The following EXT1 variants were observed in gnomAD, a reference collection of about 807,000 sequenced individuals.
EXT1 encodes the protein exostosin glycosyltransferase 1.
In EXT1, 20 loss-of-function variants were observed where a neutral mutation model predicts 82.5. The ratio of observed to expected loss-of-function variants is 0.24; its 90% CI spans 0.17 to 0.35. EXT1 has a LOEUF of 0.35. EXT1 is among the 10% of genes least tolerant of loss of function. The pLI is 1.00. For synonymous variants in EXT1, 348 were observed against 350.8 expected (o/e 0.99, Z 0.09); for missense variants, 757 against 936.5 (o/e 0.81, Z 2.50).
intron 1 of EXT1, among the ~76,000 whole-genome samples, chr8:117,965,728 G>A (rs1814794465): frequency 6.6e-6 from 1 of 152,094 alleles, no homozygotes; most frequent in African/African-American, 2.4e-5. Flanking sequence ...AATCTCTTGA[G>A]CTTTTCTCTA....
intron 1 of EXT1, among the ~76,000 whole-genome samples, chr8:117,885,314 T>C (rs972914845): frequency 1.3e-5 from 2 of 152,150 alleles, no homozygotes; most frequent in African/African-American, 2.4e-5. Context: ...TATCAAAAGA[T>C]GGGAACTTGC....
intron 1 of EXT1, among the ~76,000 whole-genome samples, chr8:117,860,055 G>C (rs571104693): frequency 6.7e-6 from 1 of 148,894 alleles, no homozygotes; most frequent in Non-Finnish European, 1.5e-5. Flanking sequence ...GCTGAGGCAG[G>C]AGAATTGCTT....
intron 1 of EXT1, among the ~76,000 whole-genome samples, chr8:117,859,712 A>C (rs1029138494): frequency 6.6e-6 from 1 of 152,244 alleles, no homozygotes; most frequent in Admixed American, 6.5e-5. Flanking sequence ...TTTACTGAAC[A>C]TATATTTTGA....
At chr8:118,096,671 GA>G (rs1817622421) in intron 1 of EXT1, among the ~76,000 whole-genome samples, 1 of 91,930 alleles carries the variant, frequency 1.1e-5, no homozygotes, top group Non-Finnish European at 2.0e-5. Context: ...AGGAAGGAAG[GA>G]AGGGAGGGAG....
chr8:118,094,099 G>A (rs1817568108), intron 1 of EXT1, among the ~76,000 whole-genome samples: 1 of 152,166 alleles, frequency 6.6e-6, no homozygotes, highest in African/African-American at 2.4e-5. Context: ...GCTATCTCAG[G>A]TGACCGACCC....
chr8:117,810,012 C>G (rs968582048), intron 8 of EXT1, among the ~76,000 whole-genome samples: 1 of 152,164 alleles, frequency 6.6e-6, no homozygotes, highest in Non-Finnish European at 1.5e-5. Context: ...TTCAAAGGAA[C>G]TCAAAAGTAA....
At chr8:118,076,859 AT>A (rs1586259764) in intron 1 of EXT1, among the ~76,000 whole-genome samples, 1 of 152,196 alleles carries the variant, frequency 6.6e-6, no homozygotes, top group African/African-American at 2.4e-5. Context: ...AAAATCAAGA[AT>A]TATTAATGAG....
At chr8:118,013,225 G>A (rs1815937828) in intron 1 of EXT1, among the ~76,000 whole-genome samples, 1 of 151,780 alleles carries the variant, frequency 6.6e-6, no homozygotes, top group Non-Finnish European at 1.5e-5. Context: ...TGTTGCTGTT[G>A]TTGAGACAGA....
intron 1 of EXT1, among the ~76,000 whole-genome samples, chr8:117,957,137 C>T (rs1450194679): frequency 6.6e-6 from 1 of 152,308 alleles, no homozygotes; most frequent in Non-Finnish European, 1.5e-5. Context: ...AAGAGTTACA[C>T]ACACAACGAG....
At chr8:118,008,753 T>TA (rs567762482) in intron 1 of EXT1, among the ~76,000 whole-genome samples, 24 of 151,282 alleles carry the variant, frequency 1.6e-4, no homozygotes, top group Admixed American at 9.9e-4. Flanking sequence ...CAGCTGCAAT[T>TA]AAAAAAAAAT....
At chr8:117,831,501 C>A in intron 3 of EXT1, 1 of 451,306 alleles carries the variant, frequency 2.2e-6, no homozygotes, top group South Asian at 1.7e-5. Context: ...TGGGCTTGTT[C>A]CCTATTTTCA....
At chr8:118,028,612 T>C (rs1331949854) in intron 1 of EXT1, among the ~76,000 whole-genome samples, 1 of 151,612 alleles carries the variant, frequency 6.6e-6, no homozygotes, top group East Asian at 1.9e-4. Flanking sequence ...GAGTCAATTA[T>C]AAAAAGGAAA....
chr8:117,890,014 C>A (rs1422980243), intron 1 of EXT1, among the ~76,000 whole-genome samples: 1 of 152,074 alleles, frequency 6.6e-6, no homozygotes, highest in East Asian at 1.9e-4. Flanking sequence ...GATCAAAATG[C>A]ATGAAAAATT....
intron 6 of EXT1, 40 bp downstream of exon 6, chr8:117,819,636 C>A: frequency 6.4e-7 from 1 of 1,566,740 alleles, no homozygotes; most frequent in East Asian, 2.2e-5. Context: ...TGGTCTGGAG[C>A]TGGAGCAGGC....
At chr8:117,900,527 T>G (rs1305471775) in intron 1 of EXT1, among the ~76,000 whole-genome samples, 1 of 152,230 alleles carries the variant, frequency 6.6e-6, no homozygotes, top group Non-Finnish European at 1.5e-5. Context: ...TGGAGGCTGC[T>G]GACCACCCCA....
chr8:118,073,653 A>AGAAGAGAAGAGAAGAGAAGG (rs1817145196), intron 1 of EXT1, among the ~76,000 whole-genome samples: 1 of 127,318 alleles, frequency 7.9e-6, no homozygotes, highest in Non-Finnish European at 1.7e-5. Context: ...AGAAGAGAAG[A>AGAAGAGAAGAGAAGAGAAGG]GAAGAGAAGA....
At chr8:117,917,852 C>A (rs1220126025) in intron 1 of EXT1, among the ~76,000 whole-genome samples, 1 of 152,154 alleles carries the variant, frequency 6.6e-6, no homozygotes, top group Non-Finnish European at 1.5e-5. Flanking sequence ...CATTCAGGCA[C>A]TGCTGACCAC....
intron 1 of EXT1, among the ~76,000 whole-genome samples, chr8:117,844,170 TG>T (rs1812317353): frequency 6.6e-6 from 1 of 150,734 alleles, no homozygotes; most frequent in African/African-American, 2.4e-5. Context: ...ATTATTATTT[TG>T]AGACAAGATC....
At chr8:117,829,387 T>C (rs1812059042) in intron 4 of EXT1, among the ~76,000 whole-genome samples, 1 of 152,052 alleles carries the variant, frequency 6.6e-6, no homozygotes. Context: ...CTGTGCCACA[T>C]GGGTATGATC....
Sources: gnomAD v4.1 joint callset for allele counts (sites outside exome capture counted in the v4.1 genomes callset) on GRCh38, gnomAD v4.1.1 for gene constraint, MANE v1.5 for transcripts, NCBI Gene and HGNC (gene_info 2026-07-23, HGNC 2026-07-21) for gene names.